MIA2: variants seen among roughly 807,000 people sequenced by gnomAD.
The protein encoded by MIA2 is melanoma inhibitory activity protein 2.
A neutral mutation model predicts 167.8 loss-of-function variants in MIA2; 127 were observed. The ratio of observed to expected loss-of-function variants is 0.76; its 90% CI spans 0.66 to 0.88. MIA2 has a LOEUF of 0.88. Among genes scored for constraint, MIA2 ranks in the 40% least tolerant of loss-of-function variants. The probability of loss-of-function intolerance (pLI) is 0.00; values close to 1 mark genes in which losing one functional copy is unlikely to be tolerated. For missense variants in MIA2, 1,690 were observed against 1,624.7 expected, an observed-to-expected ratio of 1.04 and a Z score of -0.69; for synonymous variants, 552 against 541.9, an observed-to-expected ratio of 1.02 and a Z score of -0.26.
intron 25 of MIA2, among the ~76,000 whole-genome samples, chr14:39,332,337 A>G (rs1201284480): frequency 5.3e-5 from 8 of 152,044 alleles, no homozygotes; most frequent in Admixed American, 5.2e-4. Context: ...CCAGTTTGCA[A>G]TTCCTCTAAC....
At chr14:39,265,454 A>T (rs774476167) in intron 6 of MIA2, 1 of 1,571,188 alleles carries the variant, frequency 6.4e-7, no homozygotes, top group East Asian at 2.3e-5. Flanking sequence ...TACTGAAACA[A>T]ATGAGGTTTG....
At chr14:39,282,658 C>CT (rs773299260) in intron 9 of MIA2, among the ~76,000 whole-genome samples, 1 of 152,306 alleles carries the variant, frequency 6.6e-6, no homozygotes, top group East Asian at 1.9e-4. Flanking sequence ...ATTGCAGCCT[C>CT]TATCTCCTGG....
chr14:39,386,671 CCTT>C lies in MIA2; in HGVS notation c.2249-211_2249-209del, dbSNP rs1425682904. The stretch of plus-strand genomic sequence containing the variant: ...ACAGCTTTTGGTTCCAGATCAAAGA[CCTT>C]CTCATTATTGTTATTGTTTTCTTGC... On this transcript the variant is annotated intron_variant, in intron 23 of 23. Coordinates refer to the MIA2 transcript ENST00000341502. The C allele has an allele frequency of 1.3e-5, 14 of 1,109,054 alleles. 1 individual carries two copies. The highest frequency in any genetic ancestry group is 1.0e-4 in the South Asian group (8 of 78,892). The allele number at this position is 1,109,054 out of a possible 1,614,324, so 68.7% of individuals were successfully genotyped here. A position where few individuals can be genotyped will look rare whatever the true frequency, so the allele number is the denominator to read the frequency against.
chr14:39,286,434 G>T (rs575169926), intron 9 of MIA2, among the ~76,000 whole-genome samples: 6 of 151,612 alleles, frequency 4.0e-5, no homozygotes, highest in African/African-American at 1.5e-4. Context: ...GGGAGACTGT[G>T]GAGAGGGGAG....
chr14:39,253,988 G>A (rs1483814226), intron 6 of MIA2, among the ~76,000 whole-genome samples: 3 of 152,304 alleles, frequency 2.0e-5, no homozygotes, highest in African/African-American at 7.2e-5. Flanking sequence ...TCTTCAAGGA[G>A]CTCACTCTAG....
At chr14:39,282,979 G>A (rs1009258827) in intron 9 of MIA2, among the ~76,000 whole-genome samples, 1 of 152,148 alleles carries the variant, frequency 6.6e-6, no homozygotes, top group Non-Finnish European at 1.5e-5. Flanking sequence ...GCATATAAGT[G>A]AGATCATGCA....
chr14:39,277,347 G>A (rs2058152108), intron 7 of MIA2, among the ~76,000 whole-genome samples: 1 of 151,636 alleles, frequency 6.6e-6, no homozygotes, highest in Non-Finnish European at 1.5e-5. Flanking sequence ...GCAACACGGT[G>A]AGACCCCATC....
intron 6 of MIA2, chr14:39,253,464 C>T: frequency 2.4e-6 from 1 of 416,678 alleles, no homozygotes; most frequent in Non-Finnish European, 4.3e-6. Context: ...AATAAGTTAA[C>T]TCAGGAATAA....
rs2152604853 is a variant in MIA2 at position 39,238,775 on chromosome 14, C to T, written c.249+1720C>T. 4.5e-5 allele frequency among the ~76,000 whole-genome samples: 3 copies of T among 66,434 alleles called. No homozygotes were observed. In the Admixed American group the frequency reaches 5.9e-4, roughly 13 times the overall value. The allele number at this position is 66,434 out of a possible 152,430, so 43.6% of individuals were successfully genotyped here. A position where few individuals can be genotyped will look rare whatever the true frequency, so the allele number is the denominator to read the frequency against. The stretch of plus-strand genomic sequence containing the variant: ...TACCACTGCACTCCAGCCTGGGTTA[C>T]AAAGTGAGACCCTGTCTCAAAAAAA... On this transcript the variant is annotated intron_variant, in intron 2 of 28. Transcript: ENST00000640607.
At chr14:39,288,756 G>T (rs12896838) in intron 9 of MIA2, among the ~76,000 whole-genome samples, 11 of 151,232 alleles carry the variant, frequency 7.3e-5, no homozygotes, top group Admixed American at 7.2e-4. Flanking sequence ...CCACTGTGCC[G>T]GCCAATTTGC....
At chr14:39,338,584 C>T in intron 25 of MIA2, among the ~76,000 whole-genome samples, 1 of 152,050 alleles carries the variant, frequency 6.6e-6, no homozygotes, top group East Asian at 1.9e-4. Context: ...ATAATATTCA[C>T]ATATCATATA....
chr14:39,345,944 A>G lies in MIA2; in HGVS notation c.3696A>G (p.Gln1232=). 1.2e-6 allele frequency: 2 copies of G among 1,612,366 alleles called. No homozygotes were observed. The highest frequency in any genetic ancestry group is 1.7e-6 in the Non-Finnish European group (2 of 1,179,170). Residue 1232 remains glutamine (Q), a synonymous_variant, in exon 26 of 29, where the codon CAA becomes CAG. Transcript: ENST00000640607. ...ATTCAGCCCTTCCTCCACAAAGGCA[A>G]GACAGATTTTGTTCTAATTCTGGTA... ...YPDSALPPQR[Q]DRFCSNSGRL...
chr14:39,386,846 TTCTA>T, intron 23 of MIA2: 1 of 871,778 alleles, frequency 1.1e-6, no homozygotes, highest in Non-Finnish European at 2.0e-6. Flanking sequence ...CTCGTCTCTC[TTCTA>T]CTTTAACTCT....
At chr14:39,273,377 G>A (rs140833453) in intron 6 of MIA2, among the ~76,000 whole-genome samples, 116 of 152,072 alleles carry the variant, frequency 7.6e-4, no homozygotes, top group African/African-American at 2.7e-3. Context: ...GTTTGGGACA[G>A]GGCCTCACTC....
At chr14:39,377,227 G>T (rs181000218) in intron 23 of MIA2, among the ~76,000 whole-genome samples, 3 of 149,634 alleles carry the variant, frequency 2.0e-5, no homozygotes, top group African/African-American at 4.9e-5. Context: ...GAGAACATAG[G>T]GGGAGGAAGA....
intron 25 of MIA2, among the ~76,000 whole-genome samples, chr14:39,333,811 A>G (rs746461320): frequency 2.6e-5 from 4 of 152,176 alleles, no homozygotes; most frequent in Non-Finnish European, 4.4e-5. Context: ...CCATACTAGA[A>G]ATGGAACCTG....
At chr14:39,333,569 C>T (rs182711912) in intron 25 of MIA2, among the ~76,000 whole-genome samples, 4 of 152,036 alleles carry the variant, frequency 2.6e-5, no homozygotes, top group East Asian at 1.9e-4. Context: ...AAAGTTTTAT[C>T]GAGTTTTGAC....
chr14:39,237,118 C>CCTTTT (rs1566581002), intron 2 of MIA2, 63 bp downstream of exon 2: 16 of 1,572,612 alleles, frequency 1.0e-5, no homozygotes, highest in African/African-American at 1.4e-5. Context: ...AAGATTCCTT[C>CCTTTT]CTTTTCTTTT....
In MIA2 at chr14:39,259,034, C is replaced by T. The variant is rs964207459; in HGVS notation, c.1887+5863C>T. ...TCTGTTGACCCCTGTTGGGAGGTCT[C>T]TCCCAGTCAGGAGGCGCGGGGGTCA... On this transcript the variant is annotated intron_variant, in intron 6 of 28. Coordinates refer to ENST00000640607, the MANE Select transcript of MIA2 (RefSeq NM_001329214.4). Among the ~76,000 whole-genome samples the T allele has an allele frequency of 3.9e-5, 6 of 152,366 alleles. No individual in the cohort carries two copies. In the East Asian group the frequency reaches 1.2e-3, roughly 29 times the overall value.
Sources: gnomAD v4.1 joint callset for allele counts (sites outside exome capture counted in the v4.1 genomes callset) on GRCh38, gnomAD v4.1.1 for gene constraint, MANE v1.5 for transcripts, NCBI Gene and HGNC (gene_info 2026-07-23, HGNC 2026-07-21) for gene names.